CFAP54: variants seen among roughly 807,000 people sequenced by gnomAD.
CFAP54 encodes cilia- and flagella-associated protein 54.
Under a neutral mutation model 370.4 loss-of-function variants are expected in CFAP54, and 290 were observed. That is an observed-to-expected ratio of 0.78 (90% CI 0.71 to 0.86). The LOEUF (loss-of-function observed/expected upper bound fraction) is 0.86. CFAP54 is among the 40% of genes least tolerant of loss of function. CFAP54 has a pLI of 0.00. For synonymous variants in CFAP54, 1,206 were observed against 1,236.5 expected (o/e 0.98, Z 0.52); for missense variants, 3,399 against 3,528.7 (o/e 0.96, Z 0.93).
chr12:96,506,589 CTTT>C (rs71068809), intron 3 of CFAP54, among the ~76,000 whole-genome samples: 2 of 130,888 alleles, frequency 1.5e-5, no homozygotes, highest in African/African-American at 2.9e-5. Context: ...CTTTTCTTTT[CTTT>C]TTTTTTTTTT....
Position 96,534,047 on chromosome 12 carries a change from A to T in CFAP54, c.1540-15A>T. Reference sequence around the variant, plus strand: ...ATCCAATTACTAATTAACGTGTGGGATATACTTCCCCAAGAGGCAGGATGA... The same window carrying T: ...ATCCAATTACTAATTAACGTGTGGGTTATACTTCCCCAAGAGGCAGGATGA... On this transcript the variant is annotated splice_polypyrimidine_tract_variant and intron_variant, in intron 10 of 67. Coordinates refer to ENST00000524981, the MANE Select transcript of CFAP54 (RefSeq NM_001306084.2). The T allele has an allele frequency of 2.6e-6, 4 of 1,512,970 alleles. No individual in the cohort carries two copies. The highest frequency in any genetic ancestry group is 2.5e-5 in the South Asian group (2 of 79,356). The allele number at this position is 1,512,970 out of a possible 1,614,324, so 93.7% of individuals were successfully genotyped here.
intron 4 of CFAP54, among the ~76,000 whole-genome samples, chr12:96,507,705 G>T (rs1487004274): frequency 2.0e-5 from 3 of 152,154 alleles, no homozygotes; most frequent in African/African-American, 7.2e-5. Context: ...AATATTGACA[G>T]TGTGTTCGAT....
Position 96,568,145 on chromosome 12 carries a change from CT to C in CFAP54, c.2619+3394del, listed in dbSNP as rs931001695. Among the ~76,000 whole-genome samples, 1,119 of 126,574 alleles carry C rather than the reference CT, an allele frequency of 8.8e-3. 3 individuals carry two copies. Among genetic ancestry groups the C allele is most frequent in the Middle Eastern group, 0.013 (3 of 230 alleles). 83.0% of individuals were successfully genotyped at this position (126,574 alleles called of 152,430 possible). A position where few individuals can be genotyped will look rare whatever the true frequency, so the allele number is the denominator to read the frequency against. On this transcript the variant is annotated intron_variant, in intron 19 of 67. Transcript: ENST00000524981. ...TTTCAAGTCAAATCAGTTCTATTTG[CT>C]TTTTTTTTTTTTTAGGGAGGGAAGA...
At chr12:96,851,389 T>G (rs931295894) in intron 66 of CFAP54, among the ~76,000 whole-genome samples, 1 of 152,122 alleles carries the variant, frequency 6.6e-6, no homozygotes, top group Admixed American at 6.5e-5. Flanking sequence ...TAAGTAGCAG[T>G]TTTTCCAAAT....
chr12:96,832,335 T>C (rs965696618), intron 66 of CFAP54, among the ~76,000 whole-genome samples: 5 of 151,664 alleles, frequency 3.3e-5, no homozygotes, highest in African/African-American at 7.3e-5. Context: ...AAATATACAA[T>C]TTATAATGTC....
chr12:96,818,611 G>C (rs991745192), intron 65 of CFAP54, among the ~76,000 whole-genome samples: 5 of 152,342 alleles, frequency 3.3e-5, no homozygotes, highest in Admixed American at 3.3e-4. Flanking sequence ...TGCCCACCTA[G>C]TCATGCAGTC....
At chr12:96,664,792 TATATATATATATATATATATAG>T (rs1957057899) in intron 39 of CFAP54, among the ~76,000 whole-genome samples, 5 of 41,874 alleles carry the variant, frequency 1.2e-4, no homozygotes, top group African/African-American at 1.7e-4. Flanking sequence ...TATATATATA[TATATATATATATATATATATAG>T]ATATATATAT....
In CFAP54 at chr12:96,522,273, C is replaced by T. The variant is rs139701074; in HGVS notation, c.1158+84C>T. 9 of 931,612 alleles carry T rather than the reference C, an allele frequency of 9.7e-6. No homozygotes were observed. In the South Asian group the frequency reaches 1.6e-4, roughly 16 times the overall value. 57.7% of individuals were successfully genotyped at this position (931,612 alleles called of 1,614,324 possible). A position where few individuals can be genotyped will look rare whatever the true frequency, so the allele number is the denominator to read the frequency against. ...CTCCTATGTCTTTCAAGCCTAGTCA[C>T]TCATTATTAAATTCTGCCCCCAGTT... On this transcript the variant is annotated intron_variant, in intron 8 of 67. Transcript: ENST00000524981.
chr12:96,625,384 T>TG lies in CFAP54; in HGVS notation c.3887-330dup, dbSNP rs550792839. On this transcript the variant is annotated intron_variant, in intron 28 of 67. Coordinates refer to ENST00000524981, the MANE Select transcript of CFAP54 (RefSeq NM_001306084.2). ...CCTTTTAAAGATAATTTTGCTAAAA[T>TG]GGGGTAAATGTAATTGGTAGATTTC... Among the ~76,000 whole-genome samples the TG allele has an allele frequency of 5.0e-3, 769 of 152,308 alleles. 4 individuals are homozygous for TG. Among genetic ancestry groups the TG allele is most frequent in the African/African-American group, 0.018 (731 of 41,566 alleles).
At chr12:96,643,376 C>CT (rs1956755352) in intron 32 of CFAP54, among the ~76,000 whole-genome samples, 1 of 105,028 alleles carries the variant, frequency 9.5e-6, no homozygotes, top group Non-Finnish European at 1.9e-5. Context: ...ATCCATCATT[C>CT]TTTTTTTATT....
At chr12:96,568,517 A>G (rs2136414404) in intron 19 of CFAP54, among the ~76,000 whole-genome samples, 1 of 152,318 alleles carries the variant, frequency 6.6e-6, no homozygotes, top group Non-Finnish European at 1.5e-5. Context: ...ACTCTCCTAA[A>G]CAATGATGTT....
chr12:96,757,750 T>A (rs1958279605), intron 58 of CFAP54, among the ~76,000 whole-genome samples, 162 bp downstream of exon 58: 1 of 152,202 alleles, frequency 6.6e-6, no homozygotes, highest in Non-Finnish European at 1.5e-5. Flanking sequence ...CAAAGAGATA[T>A]CTCTTTGGAC....
chr12:96,747,501 A>C lies in CFAP54; in HGVS notation c.7684+3355A>C, dbSNP rs142199982. On this transcript the variant is annotated intron_variant, in intron 55 of 67. Transcript: ENST00000524981. ...ACCTAATGAAAATTAAGCATTTAGC[A>C]CCAAGTACCATTTCCAGCAGATAGT... Among the ~76,000 whole-genome samples the C allele has an allele frequency of 7.4e-3, 1,127 of 152,342 alleles. 47 individuals are homozygous for C. Among genetic ancestry groups the C allele is most frequent in the East Asian group, 9.4e-3 (49 of 5,194 alleles).
At chr12:96,609,480 A>G (rs1041978363) in intron 26 of CFAP54, among the ~76,000 whole-genome samples, 1 of 152,214 alleles carries the variant, frequency 6.6e-6, no homozygotes, top group Non-Finnish European at 1.5e-5. Context: ...AGCAAATATC[A>G]TACTGAATGG....
intron 36 of CFAP54, among the ~76,000 whole-genome samples, chr12:96,657,519 C>T (rs1406110885): frequency 6.6e-6 from 1 of 152,034 alleles, no homozygotes; most frequent in African/African-American, 2.4e-5. Flanking sequence ...TCTGTGTTGT[C>T]CAATATGGTA....
intron 55 of CFAP54, among the ~76,000 whole-genome samples, chr12:96,753,458 G>A (rs1958213637): frequency 1.3e-5 from 2 of 152,126 alleles, no homozygotes; most frequent in Non-Finnish European, 2.9e-5. Flanking sequence ...GTAGAGCATT[G>A]TGAATTTTAG....
chr12:96,756,899 TGAA>T (rs58956578), intron 57 of CFAP54, among the ~76,000 whole-genome samples: 54,797 of 151,802 alleles, frequency 0.36, 10,728 homozygotes, highest in East Asian at 0.58. Context: ...CGTGTGGCTG[TGAA>T]TTCACTCTGG....
At chr12:96,679,541 T>C in intron 39 of CFAP54, 59 bp from the exon 40 acceptor site, 3 of 1,523,846 alleles carry the variant, frequency 2.0e-6, no homozygotes, top group African/African-American at 1.4e-5. Flanking sequence ...ACTTGCTGGC[T>C]CTTACCTTGG....
chr12:96,531,849 C>T (rs1250036719), intron 9 of CFAP54, among the ~76,000 whole-genome samples: 3 of 152,160 alleles, frequency 2.0e-5, no homozygotes, highest in Admixed American at 6.6e-5. Context: ...CTCAGCCTCC[C>T]GAGTAGTTGG....
Sources: allele counts gnomAD v4.1 joint callset (sites outside exome capture counted in the v4.1 genomes callset), GRCh38; gene constraint gnomAD v4.1.1; transcripts MANE v1.5; gene names NCBI Gene and HGNC (gene_info 2026-07-23, HGNC 2026-07-21).